PTPRN2: variants seen among roughly 807,000 people sequenced by gnomAD.
PTPRN2 encodes receptor-type tyrosine-protein phosphatase N2.
In PTPRN2, 74 loss-of-function variants were observed where a neutral mutation model predicts 118.8. The ratio of observed to expected loss-of-function variants is 0.62; its 90% CI spans 0.52 to 0.76. The LOEUF (loss-of-function observed/expected upper bound fraction) is 0.76. Ranked by LOEUF, PTPRN2 falls within the 30% of genes least tolerant of loss-of-function variation. PTPRN2 has a pLI of 0.00. For missense variants in PTPRN2, 1,481 were observed against 1,394.4 expected (o/e 1.06, Z -0.99); for synonymous variants, 641 against 608.0 (o/e 1.05, Z -0.80).
chr7:158,070,901 A>AGGTGCTCGTGGTG (rs1811320882), intron 11 of PTPRN2, among the ~76,000 whole-genome samples: 1 of 23,900 alleles, frequency 4.2e-5, no homozygotes, highest in African/African-American at 2.2e-4. Context: ...TGCCCATGGT[A>AGGTGCTCGTGGTG]GTGGAGGTGC....
intron 11 of PTPRN2, among the ~76,000 whole-genome samples, chr7:158,006,163 C>T (rs747107555): frequency 1.3e-4 from 20 of 152,200 alleles, no homozygotes; most frequent in East Asian, 5.8e-4. Context: ...AACCAACTTA[C>T]GGAGTTTTGC....
intron 12 of PTPRN2, among the ~76,000 whole-genome samples, chr7:157,753,548 T>G (rs1408041530): frequency 6.6e-6 from 1 of 152,214 alleles, no homozygotes; most frequent in Middle Eastern, 3.2e-3. Flanking sequence ...GCTCACAGCA[T>G]GGCAGTGACC....
At chr7:158,202,251 A>C (rs1363754895) in intron 4 of PTPRN2, among the ~76,000 whole-genome samples, 1 of 152,202 alleles carries the variant, frequency 6.6e-6, no homozygotes, top group Non-Finnish European at 1.5e-5. Flanking sequence ...AAACGATCAC[A>C]TTTCCATGAG....
chr7:157,627,845 G>A lies in PTPRN2; in HGVS notation c.2197-6336C>T, dbSNP rs1033406393. ...ATCTGACGTAGATCCCAGAGCACACGACATCCACACCACAGCAGCTGAAGA... is the reference window on the plus strand; with the variant it reads ...ATCTGACGTAGATCCCAGAGCACACAACATCCACACCACAGCAGCTGAAGA... On this transcript the variant is annotated intron_variant, in intron 14 of 22. Transcript: ENST00000389418. This position sits in a 1 kb window ranked among gnomAD's most constrained non-coding sequence, Gnocchi z 4.2. Among the ~76,000 whole-genome samples, 3 of 152,160 alleles carry A rather than the reference G, an allele frequency of 2.0e-5. No homozygotes were observed. The highest frequency in any genetic ancestry group is 4.4e-5 in the Non-Finnish European group (3 of 68,030).
chr7:158,145,103 G>C (rs1347077561), intron 6 of PTPRN2, among the ~76,000 whole-genome samples: 1 of 150,078 alleles, frequency 6.7e-6, no homozygotes, highest in Admixed American at 6.6e-5. Context: ...GGCTCGGCAA[G>C]GTTTCCCTCA....
Position 158,317,034 on chromosome 7 carries a change from C to T in PTPRN2, c.164-102G>A, listed in dbSNP as rs528111062. The T allele has an allele frequency of 3.0e-4, 263 of 873,180 alleles. 1 individual carries two copies. The highest frequency in any genetic ancestry group is 2.3e-3 in the African/African-American group (136 of 58,670). The allele number at this position is 873,180 out of a possible 1,614,324, so 54.1% of individuals were successfully genotyped here. A position where few individuals can be genotyped will look rare whatever the true frequency, so the allele number is the denominator to read the frequency against. On this transcript the variant is annotated intron_variant, in intron 2 of 22. Coordinates refer to ENST00000389418, the MANE Select transcript of PTPRN2 (RefSeq NM_002847.5). Reference sequence around the variant, plus strand: ...GCAATGCGTTCTGATCATGTGCCGCCGTGAGGTTTTGGAGCACGGCGTCAC... The same window carrying T: ...GCAATGCGTTCTGATCATGTGCCGCTGTGAGGTTTTGGAGCACGGCGTCAC...
Position 157,583,447 on chromosome 7 carries a change from A to C in PTPRN2, c.2497-5307T>G, listed in dbSNP as rs949614219. ...GTGTTGGGCACAGAGATTTGCCAGG[A>C]GAGTAGGCTTCAGGTGCTTCACCAC... On this transcript the variant is annotated intron_variant, in intron 17 of 22. Transcript: ENST00000389418. This position sits in a 1 kb window ranked among gnomAD's most constrained non-coding sequence, Gnocchi z 5.5. Among the ~76,000 whole-genome samples, 12 of 152,262 alleles carry C rather than the reference A, an allele frequency of 7.9e-5. No homozygotes were observed. Among genetic ancestry groups the C allele is most frequent in the Admixed American group, 5.2e-4 (8 of 15,304 alleles).
intron 12 of PTPRN2, among the ~76,000 whole-genome samples, chr7:157,752,215 C>T (rs892625759): frequency 2.0e-5 from 3 of 152,212 alleles, no homozygotes; most frequent in Non-Finnish European, 2.9e-5. Flanking sequence ...ACCGAGTGGC[C>T]AGGGCGGCTA....
rs1394721743 is a variant in PTPRN2 at position 158,059,398 on chromosome 7, T to A, written c.1723+21900A>T. 2.7e-5 allele frequency among the ~76,000 whole-genome samples: 3 copies of A among 111,584 alleles called. No individual in the cohort carries two copies. The East Asian group carries it at 8.6e-4, about 32-fold the overall frequency. 73.2% of individuals were successfully genotyped at this position (111,584 alleles called of 152,430 possible). ...GCAGCCACACTCCATCTGCCCACGG[T>A]GACACATCACTGCAGCCACACTCCA... On this transcript the variant is annotated intron_variant, in intron 11 of 22. Transcript: ENST00000389418.
chr7:157,984,809 G>T (rs1803645130), intron 11 of PTPRN2, among the ~76,000 whole-genome samples: 1 of 152,152 alleles, frequency 6.6e-6, no homozygotes, highest in South Asian at 2.1e-4. Flanking sequence ...CTAGTCACAG[G>T]ACGTGGCGAG....
chr7:158,420,848 G>A (rs1216278391), intron 2 of PTPRN2, among the ~76,000 whole-genome samples: 1 of 152,214 alleles, frequency 6.6e-6, no homozygotes, highest in Non-Finnish European at 1.5e-5. Flanking sequence ...CTCGGAGTCA[G>A]TTTCCTCCGC....
At position 157,644,638 on chromosome 7, in the gene PTPRN2, A is replaced by G. The variant is rs184816536; in HGVS notation, c.2196+11719T>C. On this transcript the variant is annotated intron_variant, in intron 14 of 22. Transcript: ENST00000389418. ...TGGAGAAACCCCGACTCTACTAAAA[A>G]TACAAAATTAGCCAGGCGTGGTGGC... Among the ~76,000 whole-genome samples, 720 of 152,282 alleles carry G rather than the reference A, an allele frequency of 4.7e-3. 7 individuals carry two copies. Among genetic ancestry groups the G allele is most frequent in the African/African-American group, 0.016 (683 of 41,556 alleles).
At chr7:158,580,671 T>G (rs1828580690) in intron 1 of PTPRN2, among the ~76,000 whole-genome samples, 1 of 152,190 alleles carries the variant, frequency 6.6e-6, no homozygotes, top group Non-Finnish European at 1.5e-5. Flanking sequence ...AGGAAAGTAA[T>G]CCCTCTCTCA....
intron 11 of PTPRN2, among the ~76,000 whole-genome samples, chr7:158,062,704 C>T (rs1810444907): frequency 1.3e-5 from 2 of 152,188 alleles, no homozygotes; most frequent in Non-Finnish European, 2.9e-5. Flanking sequence ...CAGTGAGGGG[C>T]TTAGCACCCA....
chr7:158,423,354 C>T (rs1194356431), intron 2 of PTPRN2, among the ~76,000 whole-genome samples: 3 of 152,198 alleles, frequency 2.0e-5, no homozygotes, highest in African/African-American at 7.2e-5. Flanking sequence ...GTGATGCAAG[C>T]CTGACCTTTC....
chr7:158,013,098 A>G lies in PTPRN2; in HGVS notation c.1723+68200T>C, dbSNP rs952889885. Among the ~76,000 whole-genome samples, 7 of 152,340 alleles carry G rather than the reference A, an allele frequency of 4.6e-5. No individual in the cohort carries two copies. In the South Asian group the frequency reaches 6.2e-4, roughly 14 times the overall value. ...ACTCGTAAGGCCAGTGAACACCTGT[A>G]AGAATCTGAAGGAAAATCAACCATA... is the stretch of plus-strand genomic sequence containing the variant. On this transcript the variant is annotated intron_variant, in intron 11 of 22. Coordinates refer to ENST00000389418, the MANE Select transcript of PTPRN2 (RefSeq NM_002847.5).
At chr7:158,456,128 C>G (rs1027084016) in intron 2 of PTPRN2, among the ~76,000 whole-genome samples, 1 of 147,278 alleles carries the variant, frequency 6.8e-6, no homozygotes, top group Non-Finnish European at 1.5e-5. Context: ...CCACCCATCA[C>G]TCTTCAGAGA....
At chr7:157,654,492 CA>C (rs1805936673) in intron 14 of PTPRN2, among the ~76,000 whole-genome samples, 1 of 152,220 alleles carries the variant, frequency 6.6e-6, no homozygotes, top group African/African-American at 2.4e-5. Context: ...CAGCCGGACT[CA>C]TACTTGGCCT....
intron 21 of PTPRN2, among the ~76,000 whole-genome samples, chr7:157,553,197 C>T (rs1270505108): frequency 6.6e-6 from 1 of 152,212 alleles, no homozygotes; most frequent in Non-Finnish European, 1.5e-5. Flanking sequence ...GAGTTAAAGC[C>T]TCTCTCCGTT....
Sources: allele counts gnomAD v4.1 joint callset (sites outside exome capture counted in the v4.1 genomes callset), GRCh38; gene constraint gnomAD v4.1.1; non-coding constraint Gnocchi (gnomAD v3.1); transcripts MANE v1.5; gene names NCBI Gene and HGNC (gene_info 2026-07-23, HGNC 2026-07-21).